The following CTNNA2 variants were observed in gnomAD, a reference collection of about 807,000 sequenced individuals.
CTNNA2 encodes catenin alpha 2.
CTNNA2 carries 42 observed loss-of-function variants against 101.0 expected under a neutral mutation model. The observed-to-expected ratio is 0.42, with a 90% CI of 0.32 to 0.54. CTNNA2 has a LOEUF of 0.54. CTNNA2 is among the 20% of genes least tolerant of loss of function. CTNNA2 has a pLI of 0.14. For synonymous variants in CTNNA2, 450 were observed against 456.4 expected (o/e 0.99, Z 0.18); for missense variants, 871 against 1,223.1 (o/e 0.71, Z 4.29).
chr2:79,598,038 T>C (rs557473677), intron 1 of CTNNA2, among the ~76,000 whole-genome samples: 1 of 152,356 alleles, frequency 6.6e-6, no homozygotes, highest in Admixed American at 6.5e-5. Flanking sequence ...GTCATACAGT[T>C]AAACTTCAGA....
intron 7 of CTNNA2, among the ~76,000 whole-genome samples, chr2:80,085,018 A>G (rs555743027): frequency 1.3e-5 from 2 of 152,246 alleles, no homozygotes; most frequent in East Asian, 3.9e-4. Context: ...AAGTTGAGGT[A>G]AAATTGATAG....
chr2:79,692,494 AT>A (rs1684368959), intron 2 of CTNNA2, among the ~76,000 whole-genome samples: 2 of 152,102 alleles, frequency 1.3e-5, no homozygotes, highest in Middle Eastern at 3.2e-3. Flanking sequence ...CAGACATACC[AT>A]TTGACCCAGC....
intron 15 of CTNNA2, among the ~76,000 whole-genome samples, chr2:80,597,938 A>C (rs1558629714): frequency 6.6e-6 from 1 of 151,934 alleles, no homozygotes; most frequent in Non-Finnish European, 1.5e-5. Context: ...AGAACCAGAA[A>C]TAATACCATT....
At chr2:79,268,407 C>T (rs2104295416) in intron 2 of CTNNA2, among the ~76,000 whole-genome samples, 1 of 152,192 alleles carries the variant, frequency 6.6e-6, no homozygotes, top group South Asian at 2.1e-4. Context: ...TACCTGCATA[C>T]CTCACCCCAT....
At chr2:80,567,247 TA>T (rs76276947) in intron 12 of CTNNA2, among the ~76,000 whole-genome samples, 1 of 151,922 alleles carries the variant, frequency 6.6e-6, no homozygotes, top group Non-Finnish European at 1.5e-5. Flanking sequence ...CATTCGTTAC[TA>T]AAATCACTAA....
chr2:79,986,711 A>G (rs1048228372), intron 7 of CTNNA2, among the ~76,000 whole-genome samples: 2 of 152,036 alleles, frequency 1.3e-5, no homozygotes, highest in African/African-American at 4.8e-5. Context: ...CTTTTCCTCC[A>G]TGACATTGTT....
Position 79,596,909 on chromosome 2 carries a change from A to G in CTNNA2, c.-5-54643A>G, listed in dbSNP as rs1677226111. Among the ~76,000 whole-genome samples, 3 of 152,176 alleles carry G rather than the reference A, an allele frequency of 2.0e-5. No individual in the cohort carries two copies. The South Asian group carries it at 6.2e-4, about 31-fold the overall frequency. On this transcript the variant is annotated intron_variant, in intron 1 of 18. Coordinates refer to ENST00000402739, the MANE Select transcript of CTNNA2 (RefSeq NM_001282597.3). ...AGTGATGTTCTGTAGAATGTTGACC[A>G]TTATTCCTGTTCCTGAAAGGTACTG...
chr2:79,565,892 A>G (rs957521987), intron 1 of CTNNA2, among the ~76,000 whole-genome samples: 7 of 152,050 alleles, frequency 4.6e-5, no homozygotes, highest in Admixed American at 3.3e-4. Flanking sequence ...ATAGTAAAAG[A>G]GATTTTCCAG....
At chr2:79,937,580 A>G (rs1687875115) in intron 7 of CTNNA2, among the ~76,000 whole-genome samples, 1 of 152,242 alleles carries the variant, frequency 6.6e-6, no homozygotes, top group African/African-American at 2.4e-5. Context: ...CTTCAAAGGA[A>G]CATTAGTATC....
chr2:79,518,463 G>T (rs1387021203), intron 1 of CTNNA2, among the ~76,000 whole-genome samples: 2 of 152,154 alleles, frequency 1.3e-5, no homozygotes, highest in Non-Finnish European at 1.5e-5. Flanking sequence ...TTGAGTTTAT[G>T]TTGTTCATTA....
intron 2 of CTNNA2, among the ~76,000 whole-genome samples, chr2:79,287,161 A>AT (rs1296912123): frequency 6.6e-6 from 1 of 151,794 alleles, no homozygotes; most frequent in Non-Finnish European, 1.5e-5. Context: ...ATTCTTCTAA[A>AT]TTTTTTTCAA....
chr2:80,305,391 A>G lies in CTNNA2; in HGVS notation c.1057-87820A>G, dbSNP rs1203781817. ...GCTTCATCAGGCTCCACAGATACAT[A>G]TGGGGTACAGAGTGGATTAAAGAAC... On this transcript the variant is annotated intron_variant, in intron 7 of 18. Coordinates refer to ENST00000402739, the MANE Select transcript of CTNNA2 (RefSeq NM_001282597.3). 4 of 983,688 alleles carry G rather than the reference A, an allele frequency of 4.1e-6. No homozygotes were observed. In the African/African-American group the frequency reaches 7.0e-5, roughly 17 times the overall value. The allele number at this position is 983,688 out of a possible 1,614,324, so 60.9% of individuals were successfully genotyped here.
intron 2 of CTNNA2, among the ~76,000 whole-genome samples, chr2:79,287,745 G>A (rs1259232259): frequency 6.6e-6 from 1 of 152,192 alleles, no homozygotes; most frequent in African/African-American, 2.4e-5. Flanking sequence ...ACAGAGGCAA[G>A]CAGGCCTCCT....
At chr2:79,841,528 A>G (rs541579246) in intron 3 of CTNNA2, among the ~76,000 whole-genome samples, 1 of 152,340 alleles carries the variant, frequency 6.6e-6, no homozygotes, top group East Asian at 1.9e-4. Flanking sequence ...CTGTCATGGG[A>G]TGAAATATTA....
rs1207995137 is a variant in CTNNA2, at chr2:79,869,852, A to G, written c.502A>G (p.Asn168Asp). 6.2e-7 allele frequency: 1 copy of G among 1,614,116 alleles called. No homozygotes were observed. The highest frequency in any genetic ancestry group is 8.5e-7 in the Non-Finnish European group (1 of 1,180,004). Residue 168 changes from asparagine (N) to aspartate (D), a missense_variant, in exon 5 of 19, where the codon AAT becomes GAT. Coordinates refer to ENST00000402739, the MANE Select transcript of CTNNA2 (RefSeq NM_001282597.3). ...EALEAVKNAT[N>D]EQDLANRFKE... is the part of the protein sequence containing the mutation. Reference sequence around the variant, plus strand: ...CCTGGAAGCTGTCAAAAATGCTACAAATGAGCAAGACCTTGCAAACCGTTT... The same window carrying G: ...CCTGGAAGCTGTCAAAAATGCTACAGATGAGCAAGACCTTGCAAACCGTTT...
At chr2:79,967,289 G>A (rs771052008) in intron 7 of CTNNA2, among the ~76,000 whole-genome samples, 1 of 151,992 alleles carries the variant, frequency 6.6e-6, no homozygotes, top group Non-Finnish European at 1.5e-5. Context: ...TGTGTGCACC[G>A]CTGATCATCC....
intron 9 of CTNNA2, among the ~76,000 whole-genome samples, chr2:80,471,060 C>T (rs1361367123): frequency 6.6e-6 from 1 of 152,156 alleles, no homozygotes; most frequent in African/African-American, 2.4e-5. Context: ...CATAAAGGTC[C>T]TTGCAAGCAG....
At chr2:79,620,787 G>C (rs1678945755) in intron 1 of CTNNA2, among the ~76,000 whole-genome samples, 1 of 152,152 alleles carries the variant, frequency 6.6e-6, no homozygotes, top group Non-Finnish European at 1.5e-5. Flanking sequence ...ATGTATAATA[G>C]AGGCAGACAC....
At chr2:79,911,503 C>A (rs979064500) in intron 7 of CTNNA2, among the ~76,000 whole-genome samples, 3 of 152,188 alleles carry the variant, frequency 2.0e-5, no homozygotes, top group African/African-American at 7.2e-5. Context: ...AGTTTGGTGT[C>A]TAGAATCCTG....
Sources: allele counts gnomAD v4.1 joint callset (sites outside exome capture counted in the v4.1 genomes callset), GRCh38; gene constraint gnomAD v4.1.1; transcripts MANE v1.5; gene names NCBI Gene and HGNC (gene_info 2026-07-23, HGNC 2026-07-21).